The following ITGAD variants were observed in gnomAD, a reference collection of about 807,000 sequenced individuals.
The protein encoded by ITGAD is integrin subunit alpha D, also known as integrin alpha-D.
ITGAD carries 105 observed loss-of-function variants against 139.0 expected under a neutral mutation model. The ratio of observed to expected loss-of-function variants is 0.76; its 90% confidence interval spans 0.65 to 0.89. ITGAD has a LOEUF of 0.89. Among genes scored for constraint, ITGAD ranks in the 40% least tolerant of loss-of-function variants. ITGAD has a pLI of 0.00. For missense variants in ITGAD, 1,384 were observed against 1,487.3 expected, an observed-to-expected ratio of 0.93 and a Z score of 1.14; for synonymous variants, 569 against 598.3, an observed-to-expected ratio of 0.95 and a Z score of 0.71.
intron 23 of ITGAD, among the ~76,000 whole-genome samples, chr16:31,422,572 T>C (rs572021971): frequency 1.3e-5 from 2 of 152,298 alleles, no homozygotes; most frequent in Admixed American, 1.3e-4. Context: ...CTACAATCTC[T>C]GTAAGCATTA....
Position 31,414,974 on chromosome 16 carries a change from G to T in ITGAD, c.2266G>T (p.Asp756Tyr), listed in dbSNP as rs2081848058. ...TCCTGTGCTGGCCGTGGGCTCACAAGACCTCTTCACTGCTTCTGTGAGTCT... is the reference window on the plus strand; with the variant it reads ...TCCTGTGCTGGCCGTGGGCTCACAATACCTCTTCACTGCTTCTGTGAGTCT... ...LRPVLAVGSQ[D>Y]LFTASLPFEK... is the part of the protein sequence containing the mutation. The change falls in exon 18 of 30, where the codon GAC (aspartate) becomes TAC (tyrosine). Residue 756 changes from aspartate (D) to tyrosine (Y), a missense_variant. Physicochemically the swap from Asp to Tyr is radical, Grantham distance 160. Transcript: ENST00000389202. 1 of 1,613,970 alleles carries T rather than the reference G, an allele frequency of 6.2e-7. No homozygotes were observed. The highest frequency in any genetic ancestry group is 1.3e-5 in the African/African-American group (1 of 74,906).
intron 9 of ITGAD, 55 bp from the exon 10 acceptor site, chr16:31,408,370 G>T: frequency 6.8e-7 from 1 of 1,460,632 alleles, no homozygotes; most frequent in South Asian, 1.1e-5. Flanking sequence ...CCTGTGTTCT[G>T]AGTCCTCATG....
intron 5 of ITGAD, 139 bp from the exon 6 acceptor site, chr16:31,401,976 A>C: frequency 1.2e-6 from 1 of 845,012 alleles, no homozygotes; most frequent in Non-Finnish European, 1.8e-6. Context: ...CTGGGGTGGC[A>C]GACTGGGGCC....
At position 31,416,651 on chromosome 16, in the gene ITGAD, C is replaced by G. The variant is rs1597151925; in HGVS notation, c.2499+5C>G. The G allele has an allele frequency of 6.2e-7, 1 of 1,605,126 alleles. No homozygotes were observed. Among genetic ancestry groups the G allele is most frequent in the East Asian group, 2.2e-5 (1 of 44,594 alleles). On this transcript the variant is annotated splice_donor_5th_base_variant and intron_variant, in intron 20 of 29. Coordinates refer to ENST00000389202, the MANE Select transcript of ITGAD (RefSeq NM_005353.3). ...CGACGGGTGTCAGGAGCCCAGGTAA[C>G]AACTGCTGTAGGCTCTAGTGGGAGG... is the stretch of plus-strand genomic sequence containing the variant.
At position 31,416,206 on chromosome 16, in the gene ITGAD, G is replaced by A. The variant is rs758294372; in HGVS notation, c.2284-7G>A. On this transcript the variant is annotated splice_polypyrimidine_tract_variant and splice_region_variant and intron_variant, in intron 18 of 29. Transcript: ENST00000389202. ...AGATGGGAACAGAATATACTATTTT[G>A]CTGCAGCTCCCCTTCGAGAAGAACT... is the stretch of plus-strand genomic sequence containing the variant. 6.3e-7 allele frequency: 1 copy of A among 1,598,080 alleles called. No homozygotes were observed. Among genetic ancestry groups the A allele is most frequent in the Non-Finnish European group, 8.5e-7 (1 of 1,169,846 alleles).
At position 31,410,780 on chromosome 16, in the gene ITGAD, G is replaced by A; in HGVS notation, c.1258G>A (p.Val420Ile). 3 of 1,613,610 alleles carry A rather than the reference G, an allele frequency of 1.9e-6. No individual in the cohort carries two copies. The highest frequency in any genetic ancestry group is 2.2e-5 in the South Asian group (2 of 91,058). The change falls in exon 12 of 30, where the codon GTC becomes ATC. Residue 420 changes from valine to isoleucine, a missense_variant. Transcript: ENST00000389202. ...CCTGTGGAAGGGGGTACAGAACCTG[G>A]TCCTGGGGGCCCCCCGCTACCAGCA... ...LALWKGVQNL[V>I]LGAPRYQHTG...
chr16:31,408,045 C>A, intron 9 of ITGAD, 129 bp downstream of exon 9: 1 of 960,182 alleles, frequency 1.0e-6, no homozygotes, highest in South Asian at 1.9e-5. Context: ...GATCTCGGCT[C>A]ACTGCAACCT....
intron 23 of ITGAD, among the ~76,000 whole-genome samples, chr16:31,419,023 C>CAAAAA (rs34885660): frequency 3.4e-4 from 31 of 89,928 alleles, no homozygotes; most frequent in Non-Finnish European, 5.6e-4. Context: ...GACTCTGTCT[C>CAAAAA]AAAAAAAAAA....
intron 18 of ITGAD, among the ~76,000 whole-genome samples, chr16:31,415,467 T>C (rs1377581607): frequency 6.6e-6 from 1 of 152,170 alleles, no homozygotes; most frequent in Non-Finnish European, 1.5e-5. Flanking sequence ...TAGGCACGCT[T>C]TTCATAAATG....
chr16:31,421,977 C>T (rs564156692), intron 23 of ITGAD, among the ~76,000 whole-genome samples: 2 of 152,276 alleles, frequency 1.3e-5, no homozygotes, highest in African/African-American at 4.8e-5. Flanking sequence ...GTCACCCAGG[C>T]TGGAGGGGAG....
Position 31,411,010 on chromosome 16 carries a change from G to A in ITGAD, c.1357-66G>A, listed in dbSNP as rs1192730211. On this transcript the variant is annotated intron_variant, in intron 12 of 29. Transcript: ENST00000389202. ...GAGGTCCTGGTACCTGGGGAGAGGC[G>A]GGACCCTGGCCCACAGGGCTGCCTC... 2.4e-5 allele frequency: 38 copies of A among 1,603,252 alleles called. No homozygotes were observed. In the South Asian group the frequency reaches 2.8e-4, roughly 12 times the overall value.
At chr16:31,402,298 CG>C (rs2081428203) in intron 6 of ITGAD, 53 bp downstream of exon 6, 1 of 124,318 alleles carries the variant, frequency 8.0e-6, no homozygotes, top group Non-Finnish European at 1.5e-5. Context: ...AGGCTGGCCT[CG>C]GGGAGGCATC....
In ITGAD at chr16:31,413,213, C is replaced by T. The variant is rs1271745631; in HGVS notation, c.1963C>T (p.Leu655Phe). Residue 655 changes from leucine (L) to phenylalanine (F), a missense_variant, in exon 16 of 30, where the codon CTC (leucine) becomes TTC (phenylalanine). Transcript: ENST00000389202. ...ALEAGDATVCLTIQKSSLDQL... is the reference protein window; with the variant it reads ...ALEAGDATVCFTIQKSSLDQL... ...GGAAGCTGGGGACGCCACCGTCTGT[C>T]TCACCATCCAGAAAAGCTCACTGGA... 2 of 1,614,028 alleles carry T rather than the reference C, an allele frequency of 1.2e-6. No homozygotes were observed. Among genetic ancestry groups the T allele is most frequent in the African/African-American group, 2.7e-5 (2 of 74,904 alleles).
chr16:31,404,432 G>A (rs2081487446), intron 7 of ITGAD: 1 of 152,178 alleles, frequency 6.6e-6, no homozygotes, highest in South Asian at 2.1e-4. Context: ...TTAAACAAGA[G>A]ATGCTCCCAC....
At position 31,407,522 on chromosome 16, in the gene ITGAD, C is replaced by T. The variant is rs534634802; in HGVS notation, c.712C>T (p.Leu238=). The change falls in exon 8 of 30, where the codon CTA becomes TTA. Residue 238 remains leucine (L), a synonymous_variant. Transcript: ENST00000389202. The part of the protein sequence containing the change: ...ATGILTVVTQ[L]FHHKNGARKS... ...TCCTTTCCTCCCCGACAGGACACAGCTATTTCATCATAAGAATGGGGCCCG... is the reference window on the plus strand; with the variant it reads ...TCCTTTCCTCCCCGACAGGACACAGTTATTTCATCATAAGAATGGGGCCCG... 1 of 1,591,262 alleles carries T rather than the reference C, an allele frequency of 6.3e-7. No individual in the cohort carries two copies. Among genetic ancestry groups the T allele is most frequent in the African/African-American group, 1.3e-5 (1 of 74,478 alleles).
Position 31,414,922 on chromosome 16 carries a change from G to A in ITGAD, c.2214G>A (p.Glu738=). Residue 738 remains glutamate, a synonymous_variant, in exon 18 of 30, where the codon GAG becomes GAA. Transcript: ENST00000389202. The part of the protein sequence containing the change: ...ILHLNFSLVR[E]PIPSPQNLRP... Reference sequence around the variant, plus strand: ...ACCTCAACTTCTCACTGGTGAGAGAGCCCATCCCCTCCCCCCAGAACCTGC... The same window carrying A: ...ACCTCAACTTCTCACTGGTGAGAGAACCCATCCCCTCCCCCCAGAACCTGC... 1.2e-6 allele frequency: 2 copies of A among 1,614,034 alleles called. No individual in the cohort carries two copies. Among genetic ancestry groups the A allele is most frequent in the Non-Finnish European group, 1.7e-6 (2 of 1,179,924 alleles).
At chr16:31,419,372 A>G (rs948396773) in intron 23 of ITGAD, among the ~76,000 whole-genome samples, 5 of 152,220 alleles carry the variant, frequency 3.3e-5, no homozygotes, top group African/African-American at 1.2e-4. Flanking sequence ...CCATTGTGTT[A>G]CAATTGCCTA....
rs1277677958 is a variant in ITGAD at position 31,416,579 on chromosome 16, C to T, written c.2432C>T (p.Ser811Phe). ...IVTVWNAGED[S>F]YGTVVSLYYP... ...ACTGTGTGGAACGCAGGTGAGGATT[C>T]CTACGGAACCGTGGTCAGCCTCTAC... The change falls in exon 20 of 30, where the codon TCC becomes TTC. Residue 811 changes from serine (S) to phenylalanine (F), a missense_variant. Ser to Phe is a radical substitution (Grantham distance 155). Transcript: ENST00000389202. 1.2e-6 allele frequency: 2 copies of T among 1,613,758 alleles called. No individual in the cohort carries two copies. Among genetic ancestry groups the T allele is most frequent in the African/African-American group, 1.3e-5 (1 of 74,904 alleles).
intron 23 of ITGAD, among the ~76,000 whole-genome samples, chr16:31,421,516 T>G (rs2082006071): frequency 6.7e-6 from 1 of 148,280 alleles, no homozygotes; most frequent in African/African-American, 2.5e-5. Flanking sequence ...TGAAAAGAGG[T>G]TTAGAACTAG....
Sources: gnomAD v4.1 joint callset for allele counts (sites outside exome capture counted in the v4.1 genomes callset) on GRCh38, gnomAD v4.1.1 for gene constraint, MANE v1.5 for transcripts, NCBI Gene and HGNC (gene_info 2026-07-23, HGNC 2026-07-21) for gene names.